DLGAP2: variants seen among roughly 807,000 people sequenced by gnomAD.
The protein encoded by DLGAP2 is DLG associated protein 2.
In DLGAP2, 26 loss-of-function variants were observed where a neutral mutation model predicts 100.3. That is an observed-to-expected ratio of 0.26 (90% CI 0.19 to 0.36). DLGAP2 has a LOEUF of 0.36. Among genes scored for constraint, DLGAP2 ranks in the 10% least tolerant of loss-of-function variants. DLGAP2 has a pLI of 1.00. For synonymous variants in DLGAP2, 886 were observed against 630.1 expected, an observed-to-expected ratio of 1.41 and a Z score of -6.08; for missense variants, 1,858 against 1,453.2, an observed-to-expected ratio of 1.28 and a Z score of -4.53.
intron 3 of DLGAP2, among the ~76,000 whole-genome samples, chr8:1,407,489 A>G (rs1302292633): frequency 3.4e-5 from 5 of 145,436 alleles, no homozygotes; most frequent in Non-Finnish European, 6.0e-5. Context: ...TAGTGTATTG[A>G]GTGCTTACTG....
chr8:1,256,593 G>A (rs939610869), intron 2 of DLGAP2, among the ~76,000 whole-genome samples: 38 of 152,114 alleles, frequency 2.5e-4, no homozygotes, highest in African/African-American at 8.7e-4. Context: ...GTACTCTCCT[G>A]CCCGGGTGCT....
chr8:1,511,467 A>G (rs569186639), intron 4 of DLGAP2, among the ~76,000 whole-genome samples: 5 of 151,414 alleles, frequency 3.3e-5, no homozygotes, highest in African/African-American at 1.2e-4. Context: ...AGGGCTGTCT[A>G]GTGTAGGACA....
In DLGAP2 at chr8:814,850, C is replaced by CAAA. The variant is rs34412684; in HGVS notation, c.18+77046_18+77048dup. 3.7e-3 allele frequency among the ~76,000 whole-genome samples: 227 copies of CAAA among 61,716 alleles called. 4 individuals carry two copies. Among genetic ancestry groups the CAAA allele is most frequent in the African/African-American group, 8.9e-3 (134 of 15,026 alleles). The allele number at this position is 61,716 out of a possible 152,430, so 40.5% of individuals were successfully genotyped here. ...CTGGCAACAGAGCAAGACTCCGTCT[C>CAAA]AAAAAAAAAAAAAAAAAAAAAAAGA... is the stretch of plus-strand genomic sequence containing the variant. On this transcript the variant is annotated intron_variant, in intron 1 of 14. Transcript: ENST00000637795.
At chr8:1,408,132 G>T (rs772604987) in intron 3 of DLGAP2, among the ~76,000 whole-genome samples, 21 of 152,214 alleles carry the variant, frequency 1.4e-4, no homozygotes, top group Non-Finnish European at 3.1e-4. Context: ...GGCAAGCCTG[G>T]TCTCTGGCTC....
intron 2 of DLGAP2, among the ~76,000 whole-genome samples, chr8:1,103,419 AC>A (rs1804651879): frequency 6.6e-6 from 1 of 150,764 alleles, no homozygotes; most frequent in African/African-American, 2.5e-5. Context: ...AACGGTGATG[AC>A]TGGCAGGGCT....
chr8:1,540,040 C>G (rs1262328344), intron 4 of DLGAP2, among the ~76,000 whole-genome samples: 1 of 152,226 alleles, frequency 6.6e-6, no homozygotes, highest in Non-Finnish European at 1.5e-5. Flanking sequence ...ACAGGGCCTC[C>G]TCTTGCCTGC....
chr8:1,517,275 GA>G (rs112153690), intron 4 of DLGAP2, among the ~76,000 whole-genome samples: 2 of 152,086 alleles, frequency 1.3e-5, no homozygotes, highest in Non-Finnish European at 2.9e-5. Flanking sequence ...CAGGAGCTTG[GA>G]AAAAGGACCC....
intron 3 of DLGAP2, among the ~76,000 whole-genome samples, chr8:1,464,513 TTCCAGGAAAGCACCC>T (rs1798564627): frequency 1.0e-5 from 1 of 98,770 alleles, no homozygotes; most frequent in African/African-American, 3.9e-5. Context: ...GACGGCACCC[TTCCAGGAAAGCACCC>T]TTCCAGGACA....
At chr8:954,313 T>G (rs184612487) in intron 2 of DLGAP2, among the ~76,000 whole-genome samples, 3 of 152,332 alleles carry the variant, frequency 2.0e-5, no homozygotes, top group African/African-American at 4.8e-5. Context: ...TGTTCATCTA[T>G]AAGTGAAAAT....
chr8:1,583,878 A>G (rs1796029619), intron 6 of DLGAP2, among the ~76,000 whole-genome samples: 1 of 152,000 alleles, frequency 6.6e-6, no homozygotes, highest in Admixed American at 6.5e-5. Flanking sequence ...TGTTCCCCTG[A>G]CAATTTTCTT....
chr8:1,355,424 G>C (rs1454107876), intron 3 of DLGAP2, among the ~76,000 whole-genome samples: 1 of 152,138 alleles, frequency 6.6e-6, no homozygotes, highest in African/African-American at 2.4e-5. Context: ...GAGTGCAGTG[G>C]CTCAATCTTG....
At chr8:948,094 G>A (rs1371579532) in intron 2 of DLGAP2, among the ~76,000 whole-genome samples, 6 of 151,656 alleles carry the variant, frequency 4.0e-5, no homozygotes, top group East Asian at 3.9e-4. Flanking sequence ...GCCAGCCCGC[G>A]TGCGCCATGG....
intron 2 of DLGAP2, among the ~76,000 whole-genome samples, chr8:961,426 G>C (rs560786151): frequency 4.5e-4 from 69 of 152,268 alleles, no homozygotes; most frequent in African/African-American, 1.6e-3. Flanking sequence ...AGAAGTCCCT[G>C]TTTGCCGAGG....
chr8:1,582,636 C>G (rs1357286391), intron 6 of DLGAP2, among the ~76,000 whole-genome samples: 1 of 152,198 alleles, frequency 6.6e-6, no homozygotes, highest in Non-Finnish European at 1.5e-5. Context: ...GTCACCCAGG[C>G]TGGAGTGTGG....
At chr8:1,665,962 A>G (rs1233314964) in intron 8 of DLGAP2, among the ~76,000 whole-genome samples, 1 of 152,174 alleles carries the variant, frequency 6.6e-6, no homozygotes, top group Non-Finnish European at 1.5e-5. Flanking sequence ...CCCTTGATAA[A>G]TCAGCGCTGT....
intron 3 of DLGAP2, among the ~76,000 whole-genome samples, chr8:1,498,806 T>C (rs1799622462): frequency 6.6e-6 from 1 of 152,234 alleles, no homozygotes; most frequent in Admixed American, 6.5e-5. Context: ...GGTGCTGCCC[T>C]GTACAAAATG....
rs1441006642 is a variant in DLGAP2 at position 1,702,360 on chromosome 8, C to G, written c.*954C>G. On this transcript the variant is annotated 3_prime_UTR_variant, in exon 15 of 15. Coordinates refer to ENST00000637795, the MANE Select transcript of DLGAP2 (RefSeq NM_001346810.2). ...CTATCAGCTGACTTTTCAGGGTATC[C>G]TTAAAAAAAAACACACACGAAAAAC... 5 of 131,686 alleles carry G rather than the reference C, an allele frequency of 3.8e-5. No individual in the cohort carries two copies. Among genetic ancestry groups the G allele is most frequent in the African/African-American group, 1.3e-4 (5 of 37,758 alleles). 8.2% of individuals were successfully genotyped at this position (131,686 alleles called of 1,614,324 possible). A position where few individuals can be genotyped will look rare whatever the true frequency, so the allele number is the denominator to read the frequency against.
intron 2 of DLGAP2, among the ~76,000 whole-genome samples, chr8:1,043,782 C>G (rs1802440064): frequency 6.6e-6 from 1 of 151,962 alleles, no homozygotes; most frequent in South Asian, 2.1e-4. Context: ...AGTTAATCAC[C>G]TGTGTTTTGG....
At chr8:1,202,355 C>T (rs1797898069) in intron 2 of DLGAP2, among the ~76,000 whole-genome samples, 1 of 151,670 alleles carries the variant, frequency 6.6e-6, no homozygotes, top group South Asian at 2.1e-4. Flanking sequence ...AGGCACGGCT[C>T]CTCTTGGCAC....
Sources: allele counts gnomAD v4.1 joint callset (sites outside exome capture counted in the v4.1 genomes callset), GRCh38; gene constraint gnomAD v4.1.1; transcripts MANE v1.5; gene names NCBI Gene and HGNC (gene_info 2026-07-23, HGNC 2026-07-21).